The following KCNT2 variants were observed in gnomAD, a reference collection of about 807,000 sequenced individuals.
KCNT2 encodes potassium sodium-activated channel subfamily T member 2.
A neutral mutation model predicts 153.8 loss-of-function variants in KCNT2; 67 were observed. That is an observed-to-expected ratio of 0.44 (90% confidence interval 0.36 to 0.53). The LOEUF (loss-of-function observed/expected upper bound fraction) is 0.53, where lower values mean the gene tolerates loss of function less well. KCNT2 is among the 20% of genes least tolerant of loss of function. The pLI is 0.00. For missense variants in KCNT2, 975 were observed against 1,354.8 expected, an observed-to-expected ratio of 0.72 and a Z score of 4.40; for synonymous variants, 500 against 458.8, an observed-to-expected ratio of 1.09 and a Z score of -1.15.
intron 27 of KCNT2, among the ~76,000 whole-genome samples, chr1:196,228,819 G>A (rs920837532): frequency 1.3e-5 from 2 of 151,886 alleles, no homozygotes; most frequent in African/African-American, 4.8e-5. Context: ...ATTGATGTAA[G>A]CAATTTCTAT....
At chr1:196,234,196 A>G (rs1654206245) in intron 27 of KCNT2, among the ~76,000 whole-genome samples, 1 of 151,336 alleles carries the variant, frequency 6.6e-6, no homozygotes, top group South Asian at 2.1e-4. Context: ...ATATATCAAT[A>G]AACTTAATTA....
intron 14 of KCNT2, among the ~76,000 whole-genome samples, chr1:196,343,750 T>TTTTGC (rs1170340581): frequency 2.6e-5 from 4 of 151,214 alleles, no homozygotes; most frequent in Non-Finnish European, 5.9e-5. Flanking sequence ...TATAATCGTG[T>TTTTGC]TTTGTTTTGT....
chr1:196,338,028 C>T (rs1426253309), intron 16 of KCNT2, among the ~76,000 whole-genome samples: 1 of 151,976 alleles, frequency 6.6e-6, no homozygotes, highest in African/African-American at 2.4e-5. Context: ...ACATATTAGG[C>T]ACACAATAAG....
intron 25 of KCNT2, among the ~76,000 whole-genome samples, chr1:196,276,870 G>A (rs1310485926): frequency 1.3e-5 from 2 of 152,008 alleles, no homozygotes; most frequent in South Asian, 2.1e-4. Context: ...CCTATCGCAC[G>A]TCTCCTGCTC....
intron 5 of KCNT2, among the ~76,000 whole-genome samples, chr1:196,478,734 G>A (rs753317014): frequency 2.0e-4 from 30 of 152,060 alleles, no homozygotes; most frequent in Non-Finnish European, 3.7e-4. Context: ...AAAGAATCAT[G>A]TGAACTACAG....
chr1:196,379,380 G>A (rs1669263087), intron 13 of KCNT2, among the ~76,000 whole-genome samples: 1 of 152,010 alleles, frequency 6.6e-6, no homozygotes, highest in South Asian at 2.1e-4. Flanking sequence ...AGACCAACCT[G>A]GCCAACATGG....
At chr1:196,268,592 C>A (rs1657762926) in intron 25 of KCNT2, among the ~76,000 whole-genome samples, 2 of 152,238 alleles carry the variant, frequency 1.3e-5, no homozygotes, top group African/African-American at 4.8e-5. Context: ...TGATGTTTGA[C>A]TGCTGACAGC....
At chr1:196,333,805 A>C in intron 17 of KCNT2, 42 bp downstream of exon 17, 1 of 1,249,712 alleles carries the variant, frequency 8.0e-7, no homozygotes, top group Non-Finnish European at 1.2e-6. Flanking sequence ...GGACATTAGC[A>C]CAAAACCCAG....
At chr1:196,568,325 G>A (rs780912776) in intron 1 of KCNT2, among the ~76,000 whole-genome samples, 1 of 152,060 alleles carries the variant, frequency 6.6e-6, no homozygotes, top group African/African-American at 2.4e-5. Flanking sequence ...CCAGGACGGT[G>A]GCTCACATCT....
chr1:196,459,455 T>C (rs1676963540), intron 8 of KCNT2, among the ~76,000 whole-genome samples: 1 of 151,434 alleles, frequency 6.6e-6, no homozygotes, highest in African/African-American at 2.4e-5. Flanking sequence ...TCCTAAACAA[T>C]AATGGGAAGA....
At chr1:196,383,134 T>C (rs1030767770) in intron 13 of KCNT2, among the ~76,000 whole-genome samples, 2 of 152,164 alleles carry the variant, frequency 1.3e-5, no homozygotes, top group Non-Finnish European at 2.9e-5. Flanking sequence ...AGGAAGACTC[T>C]AAACTGATGA....
intron 12 of KCNT2, among the ~76,000 whole-genome samples, chr1:196,422,371 T>C (rs1403553735): frequency 6.6e-6 from 1 of 151,910 alleles, no homozygotes; most frequent in East Asian, 1.9e-4. Flanking sequence ...TGGCTAGAGA[T>C]GGAGTCATTG....
At chr1:196,564,224 G>A (rs1659796088) in intron 1 of KCNT2, among the ~76,000 whole-genome samples, 1 of 151,172 alleles carries the variant, frequency 6.6e-6, no homozygotes, top group Non-Finnish European at 1.5e-5. Context: ...ACACTAACAA[G>A]AAACTATCTG....
chr1:196,477,812 A>T (rs1162883021), intron 5 of KCNT2, among the ~76,000 whole-genome samples: 1 of 152,198 alleles, frequency 6.6e-6, no homozygotes. Flanking sequence ...CTCCATCAAC[A>T]TAAGCCTTAG....
At chr1:196,500,344 C>T (rs914834584) in intron 1 of KCNT2, among the ~76,000 whole-genome samples, 8 of 151,576 alleles carry the variant, frequency 5.3e-5, no homozygotes, top group African/African-American at 1.7e-4. Flanking sequence ...AAGAAACGTT[C>T]ATTCAAATAA....
At chr1:196,593,432 T>C (rs1663660066) in intron 1 of KCNT2, among the ~76,000 whole-genome samples, 1 of 151,750 alleles carries the variant, frequency 6.6e-6, no homozygotes, top group African/African-American at 2.4e-5. Flanking sequence ...TTTTTTCAAT[T>C]GTGAATTGTG....
chr1:196,548,699 T>C (rs1405271079), intron 1 of KCNT2, among the ~76,000 whole-genome samples: 1 of 151,594 alleles, frequency 6.6e-6, no homozygotes, highest in Non-Finnish European at 1.5e-5. Context: ...TAAAGACACA[T>C]GCACACGTAT....
At chr1:196,361,873 T>C (rs545794511) in intron 14 of KCNT2, among the ~76,000 whole-genome samples, 11 of 151,558 alleles carry the variant, frequency 7.3e-5, no homozygotes, top group African/African-American at 2.7e-4. Flanking sequence ...TAGCAATCAA[T>C]CACATTAAGA....
chr1:196,563,534 T>A (rs1256692768), intron 1 of KCNT2, among the ~76,000 whole-genome samples: 1 of 148,736 alleles, frequency 6.7e-6, no homozygotes, highest in Admixed American at 6.7e-5. Flanking sequence ...GAAACCAACA[T>A]TACCTTCATA....
Sources: allele counts gnomAD v4.1 joint callset (sites outside exome capture counted in the v4.1 genomes callset), GRCh38; gene constraint gnomAD v4.1.1; transcripts MANE v1.5; gene names NCBI Gene and HGNC (gene_info 2026-07-23, HGNC 2026-07-21).